STX11: variants seen among roughly 807,000 people sequenced by gnomAD.
The protein encoded by STX11 is syntaxin-11.
STX11 carries 21 observed loss-of-function variants against 19.9 expected under a neutral mutation model. The ratio of observed to expected loss-of-function variants is 1.06; its 90% CI spans 0.75 to 1.52. STX11 has a LOEUF of 1.52. STX11 is among the 40% of genes most tolerant of loss of function. STX11 has a pLI of 0.00. For missense variants in STX11, 438 were observed against 405.9 expected (o/e 1.08, Z -0.68); for synonymous variants, 193 against 174.4 (o/e 1.11, Z -0.84).
intron 1 of STX11, among the ~76,000 whole-genome samples, chr6:144,173,994 AAC>A (rs760309581): frequency 5.3e-5 from 8 of 152,214 alleles, no homozygotes; most frequent in Non-Finnish European, 8.8e-5. Context: ...GGTGGTTTCA[AAC>A]ACAACGATTT....
At chr6:144,140,209 C>CATATTTATAT in the STX11 span, among the ~76,000 whole-genome samples, 1 of 44,472 alleles carries the variant, frequency 2.2e-5, no homozygotes, top group African/African-American at 9.1e-5. Context: ...GGTCAATTCA[C>CATATTTATAT]ATATATATAT....
At chr6:144,142,353 T>C in the STX11 span, among the ~76,000 whole-genome samples, 26 of 152,132 alleles carry the variant, frequency 1.7e-4, no homozygotes, top group African/African-American at 5.8e-4. Flanking sequence ...TGTGTTGTCT[T>C]GTATGTGAGT....
rs570087612 is a variant in STX11 at position 144,182,012 on chromosome 6, T to C, written c.-5-4611T>C. ...TCCATGCAAATTGAAGCAGGACTTA[T>C]TTTTAGCAACTTGATGAATGCAATT... On this transcript the variant is annotated intron_variant, in intron 1 of 1. Transcript: ENST00000367568. The surrounding 1 kb of genome is among the most constrained non-coding windows in gnomAD (Gnocchi z 4.8). 6.6e-6 allele frequency among the ~76,000 whole-genome samples: 1 copy of C among 152,352 alleles called. No homozygotes were observed. The highest frequency in any genetic ancestry group is 1.5e-5 in the Non-Finnish European group (1 of 68,030).
At chr6:144,144,498 G>A in the STX11 span, among the ~76,000 whole-genome samples, 1 of 152,164 alleles carries the variant, frequency 6.6e-6, no homozygotes, top group African/African-American at 2.4e-5. Flanking sequence ...TGAGGCAGAG[G>A]TGGCTACCAG....
Position 144,190,302 on chromosome 6 carries a change from T to C in STX11, c.*2811T>C, listed in dbSNP as rs1258684149. Among the ~76,000 whole-genome samples the C allele has an allele frequency of 6.6e-6, 1 of 152,204 alleles. No homozygotes were observed. The highest frequency in any genetic ancestry group is 1.5e-5 in the Non-Finnish European group (1 of 68,028). On this transcript the variant is annotated 3_prime_UTR_variant, in exon 2 of 2. Coordinates refer to ENST00000367568, the MANE Select transcript of STX11 (RefSeq NM_003764.4). ...TTCTGTGCTTCAGTTTCCTCATCTG[T>C]AAAACGGAGATAACAGTACTTACCT...
Position 144,187,223 on chromosome 6 carries a change from G to A in STX11, c.596G>A (p.Gly199Asp). The change falls in exon 2 of 2, where the codon GGC (glycine) becomes GAC (aspartate). Residue 199 changes from glycine (G) to aspartate (D), a missense_variant. Gly to Asp is a moderately conservative substitution (Grantham distance 94). Transcript: ENST00000367568. This position sits in a 1 kb window ranked among gnomAD's most constrained non-coding sequence, Gnocchi z 5.6. ...GAGAACTTGCTGGCCGACGTGAAGG[G>A]CGCGCGGGCCGCCCTCAACGAGATC... Reference protein sequence around the residue: ...FSENLLADVKGARAALNEIES... With the variant: ...FSENLLADVKDARAALNEIES... The A allele has an allele frequency of 1.2e-6, 2 of 1,613,918 alleles. No individual in the cohort carries two copies. The highest frequency in any genetic ancestry group is 1.7e-6 in the Non-Finnish European group (2 of 1,179,990).
the STX11 span, among the ~76,000 whole-genome samples, chr6:144,145,144 G>A: frequency 6.6e-6 from 1 of 152,160 alleles, no homozygotes; most frequent in African/African-American, 2.4e-5. Flanking sequence ...TGGAAGCAAC[G>A]CAAGTGTCCA....
In STX11 at chr6:144,183,555, G is replaced by GAAT. The variant is rs1488854109; in HGVS notation, c.-5-3066_-5-3064dup. On this transcript the variant is annotated intron_variant, in intron 1 of 1. Transcript: ENST00000367568. The surrounding 1 kb of genome is among the most constrained non-coding windows in gnomAD (Gnocchi z 4.6). ...TCAATTACCAATTTTTTAAAATAAT[G>GAAT]AATAGACTTTGTTTGCAAAATCATT... Among the ~76,000 whole-genome samples, 10 of 152,036 alleles carry GAAT rather than the reference G, an allele frequency of 6.6e-5. No homozygotes were observed. In the South Asian group the frequency reaches 1.7e-3, roughly 25 times the overall value.
intron 1 of STX11, among the ~76,000 whole-genome samples, chr6:144,173,743 A>G (rs1801704448): frequency 6.6e-6 from 1 of 152,186 alleles, no homozygotes; most frequent in African/African-American, 2.4e-5. Context: ...GCTGCCTATG[A>G]TATGGGCTGC....
upstream of STX11, among the ~76,000 whole-genome samples, chr6:144,148,298 G>A (rs986499686): frequency 2.6e-5 from 4 of 152,132 alleles, no homozygotes; most frequent in Admixed American, 6.5e-5. Context: ...CTCCTGCCTC[G>A]GGGCCTTTAC....
At position 144,152,012 on chromosome 6, in the gene STX11, G is replaced by A. The variant is rs893058353; in HGVS notation, c.-6+1309G>A. 6.6e-6 allele frequency among the ~76,000 whole-genome samples: 1 copy of A among 152,148 alleles called. No individual in the cohort carries two copies. The highest frequency in any genetic ancestry group is 1.9e-4 in the East Asian group (1 of 5,190). On this transcript the variant is annotated intron_variant, in intron 1 of 1. Transcript: ENST00000367568. The surrounding 1 kb of genome is among the most constrained non-coding windows in gnomAD (Gnocchi z 4.9). ...ACAACAGTTACCAGGTACCTTCTCTGTGCCAGCCTCTTCCCTGAACCTTGC... is the reference window on the plus strand; with the variant it reads ...ACAACAGTTACCAGGTACCTTCTCTATGCCAGCCTCTTCCCTGAACCTTGC...
chr6:144,152,488 A>G lies in STX11; in HGVS notation c.-6+1785A>G, dbSNP rs1263597470. ...TATGAATTTGAAAGGTATGGTTTTT[A>G]AAGTGCTTGAATGAACCATGTTTCA... On this transcript the variant is annotated intron_variant, in intron 1 of 1. Transcript: ENST00000367568. The surrounding 1 kb of genome is among the most constrained non-coding windows in gnomAD (Gnocchi z 4.9). 1.3e-5 allele frequency among the ~76,000 whole-genome samples: 2 copies of G among 152,212 alleles called. No individual in the cohort carries two copies. Among genetic ancestry groups the G allele is most frequent in the African/African-American group, 4.8e-5 (2 of 41,440 alleles).
At position 144,176,792 on chromosome 6, in the gene STX11, AGGAAGTGTG is replaced by A. The variant is rs1335027297; in HGVS notation, c.-5-9830_-5-9822del. Among the ~76,000 whole-genome samples, 4 of 152,234 alleles carry A rather than the reference AGGAAGTGTG, an allele frequency of 2.6e-5. No individual in the cohort carries two copies. Among genetic ancestry groups the A allele is most frequent in the Non-Finnish European group, 5.9e-5 (4 of 68,028 alleles). On this transcript the variant is annotated intron_variant, in intron 1 of 1. Coordinates refer to ENST00000367568, the MANE Select transcript of STX11 (RefSeq NM_003764.4). This position sits in a 1 kb window ranked among gnomAD's most constrained non-coding sequence, Gnocchi z 4.1. Reference sequence around the variant, plus strand: ...CTAATGCCCTGTTTTTTAAAAAGCAAGGAAGTGTGTCCAGGCATTTTAGAAGAGGATTTC... The same window carrying A: ...CTAATGCCCTGTTTTTTAAAAAGCAATCCAGGCATTTTAGAAGAGGATTTC...
chr6:144,176,898 G>GA lies in STX11; in HGVS notation c.-5-9721dup, dbSNP rs1801791421. On this transcript the variant is annotated intron_variant, in intron 1 of 1. Coordinates refer to ENST00000367568, the MANE Select transcript of STX11 (RefSeq NM_003764.4). This position sits in a 1 kb window ranked among gnomAD's most constrained non-coding sequence, Gnocchi z 4.1. ...AGTTACTGTAAAGGTTACTTACATGGAAAACCCTCATGCATTGATGATGTT... is the reference window on the plus strand; with the variant it reads ...AGTTACTGTAAAGGTTACTTACATGGAAAAACCCTCATGCATTGATGATGTT... 6.6e-6 allele frequency among the ~76,000 whole-genome samples: 1 copy of GA among 152,270 alleles called. No individual in the cohort carries two copies. The highest frequency in any genetic ancestry group is 2.4e-5 in the African/African-American group (1 of 41,552).
chr6:144,143,166 G>A, the STX11 span, among the ~76,000 whole-genome samples: 7 of 152,228 alleles, frequency 4.6e-5, no homozygotes, highest in South Asian at 4.1e-4. Context: ...TCTAGTCTGC[G>A]TGTACTGGAG....
intron 1 of STX11, among the ~76,000 whole-genome samples, chr6:144,185,078 T>C (rs1397875924): frequency 6.6e-6 from 1 of 152,216 alleles, no homozygotes; most frequent in Non-Finnish European, 1.5e-5. Context: ...AGGTCTGGTA[T>C]TGATTATAGC....
At position 144,174,235 on chromosome 6, in the gene STX11, A is replaced by G. The variant is rs1204658996; in HGVS notation, c.-5-12388A>G. On this transcript the variant is annotated intron_variant, in intron 1 of 1. Transcript: ENST00000367568. This position sits in a 1 kb window ranked among gnomAD's most constrained non-coding sequence, Gnocchi z 5.3. ...AAATGCTTTTCAAACCTCTGCTTGC[A>G]TCATATTTGCTAATGTCTCAATGGT... Among the ~76,000 whole-genome samples, 1 of 152,234 alleles carries G rather than the reference A, an allele frequency of 6.6e-6. No individual in the cohort carries two copies. The highest frequency in any genetic ancestry group is 2.4e-5 in the African/African-American group (1 of 41,462).
chr6:144,141,870 T>A, the STX11 span, among the ~76,000 whole-genome samples: 3 of 151,954 alleles, frequency 2.0e-5, no homozygotes, highest in Non-Finnish European at 2.9e-5. Flanking sequence ...TTTGTAGAGA[T>A]GGGGTTTTGC....
At chr6:144,146,795 G>A (rs1259192647), upstream of STX11, among the ~76,000 whole-genome samples, 1 of 152,140 alleles carries the variant, frequency 6.6e-6, no homozygotes, top group African/African-American at 2.4e-5. This position sits in a 1 kb window ranked among gnomAD's most constrained non-coding sequence, Gnocchi z 4.4. Flanking sequence ...GGGCTCAAGT[G>A]ATCCTCCTAC....
Sources: gnomAD v4.1 joint callset for allele counts (sites outside exome capture counted in the v4.1 genomes callset) on GRCh38, gnomAD v4.1.1 for gene constraint, Gnocchi (gnomAD v3.1) non-coding constraint, MANE v1.5 for transcripts, NCBI Gene and HGNC (gene_info 2026-07-23, HGNC 2026-07-21) for gene names.